The following HELZ variants were observed in gnomAD, a reference collection of about 807,000 sequenced individuals.
The protein encoded by HELZ is helicase with zinc finger, also known as ATP-dependent RNA helicase with zinc finger domain.
HELZ carries 23 observed loss-of-function variants against 218.2 expected under a neutral mutation model. That is an observed-to-expected ratio of 0.11 (90% CI 0.08 to 0.15). HELZ has a LOEUF of 0.15. HELZ is among the 10% of genes least tolerant of loss of function. The probability of loss-of-function intolerance (pLI) is 1.00; values close to 1 mark genes in which losing one functional copy is unlikely to be tolerated. For missense variants in HELZ, 1,813 were observed against 2,353.7 expected (o/e 0.77, Z 4.75); for synonymous variants, 814 against 829.4 (o/e 0.98, Z 0.32).
At chr17:67,215,405 G>A (rs1184735277) in intron 5 of HELZ, among the ~76,000 whole-genome samples, 3 of 149,148 alleles carry the variant, frequency 2.0e-5, no homozygotes, top group African/African-American at 7.4e-5. Context: ...CTGGAGTGCA[G>A]TGCTGTGATA....
rs111690134 is a variant in HELZ, at chr17:67,093,872, G to A, written c.5242-6791C>T. On this transcript the variant is annotated intron_variant, in intron 31 of 32. Coordinates refer to ENST00000358691, the MANE Select transcript of HELZ (RefSeq NM_014877.4). ...CTAAAGTAATTTTAATGTCATTTTAGCCTTATAAAACTCAATCATAATGAC... is the reference window on the plus strand; with the variant it reads ...CTAAAGTAATTTTAATGTCATTTTAACCTTATAAAACTCAATCATAATGAC... Among the ~76,000 whole-genome samples the A allele has an allele frequency of 2.6e-5, 4 of 152,132 alleles. 1 individual carries two copies. The highest frequency in any genetic ancestry group is 2.1e-4 in the South Asian group (1 of 4,824).
intron 12 of HELZ, 109 bp from the exon 13 acceptor site, chr17:67,179,035 C>T: frequency 2.9e-6 from 2 of 682,348 alleles, no homozygotes; most frequent in Non-Finnish European, 4.7e-6. Flanking sequence ...ATTGTATATG[C>T]TAGAGCTCAA....
chr17:67,087,119 C>T (rs753443024), intron 31 of HELZ, 38 bp from the exon 32 acceptor site: 7 of 1,604,134 alleles, frequency 4.4e-6, no homozygotes, highest in African/African-American at 1.3e-5. Context: ...AATCAGTGCA[C>T]CTTGTGCCAT....
At chr17:67,196,008 C>T (rs900447149) in intron 7 of HELZ, among the ~76,000 whole-genome samples, 124 of 151,840 alleles carry the variant, frequency 8.2e-4, no homozygotes, top group Admixed American at 7.9e-3. Flanking sequence ...CCCACCACCA[C>T]GCCTGACTAA....
chr17:67,102,621 A>G (rs184568020), intron 31 of HELZ, among the ~76,000 whole-genome samples: 3 of 152,326 alleles, frequency 2.0e-5, no homozygotes, highest in African/African-American at 7.2e-5. Context: ...AAAAGGTTGG[A>G]AATAAACAGC....
chr17:67,190,144 T>G lies in HELZ; in HGVS notation c.756+13A>C. ...TAAGACAAACAAAAAATAATGTAGC[T>G]TATTTTCCTCACCACTTTCTCAGGA... On this transcript the variant is annotated intron_variant, in intron 10 of 32. Coordinates refer to ENST00000358691, the MANE Select transcript of HELZ (RefSeq NM_014877.4). 1 of 1,606,850 alleles carries G rather than the reference T, an allele frequency of 6.2e-7. No individual in the cohort carries two copies. The highest frequency in any genetic ancestry group is 8.5e-7 in the Non-Finnish European group (1 of 1,173,702).
In HELZ at chr17:67,202,691, T is replaced by C. The variant is rs540795528; in HGVS notation, c.372+628A>G. Among the ~76,000 whole-genome samples the C allele has an allele frequency of 6.2e-4, 94 of 152,328 alleles. No individual in the cohort carries two copies. The South Asian group carries it at 0.018, about 30-fold the overall frequency. On this transcript the variant is annotated intron_variant, in intron 6 of 32. Coordinates refer to ENST00000358691, the MANE Select transcript of HELZ (RefSeq NM_014877.4). ...AATTTAAGAACCCTATGAGATCATA[T>C]GTCCACATCAGCATTTTAAAACTCA...
intron 12 of HELZ, among the ~76,000 whole-genome samples, chr17:67,184,726 A>C (rs1390040420): frequency 6.6e-6 from 1 of 151,916 alleles, no homozygotes; most frequent in Non-Finnish European, 1.5e-5. Flanking sequence ...TGAGGTGGGA[A>C]GATCACTTGA....
At chr17:67,245,437 C>G, upstream of HELZ, 1 of 971,918 alleles carries the variant, frequency 1.0e-6, no homozygotes, top group Non-Finnish European at 1.2e-6. Context: ...CTGCCCCGGC[C>G]TCCCTGCCCC....
intron 15 of HELZ, among the ~76,000 whole-genome samples, chr17:67,163,560 G>A (rs1363407705): frequency 1.3e-5 from 2 of 150,060 alleles, no homozygotes; most frequent in South Asian, 2.1e-4. Context: ...CACCACGCTC[G>A]GCTAATTTTT....
chr17:67,095,593 T>C (rs1296115623), intron 31 of HELZ, among the ~76,000 whole-genome samples: 1 of 152,140 alleles, frequency 6.6e-6, no homozygotes, highest in Non-Finnish European at 1.5e-5. Flanking sequence ...AGTTCAATCA[T>C]AAGATTACAG....
At chr17:67,233,505 GAA>G (rs1286295537) in intron 3 of HELZ, among the ~76,000 whole-genome samples, 1 of 152,192 alleles carries the variant, frequency 6.6e-6, no homozygotes, top group African/African-American at 2.4e-5. Context: ...GAAGCAGAGA[GAA>G]AAGTCATGGA....
chr17:67,166,358 C>A, intron 15 of HELZ, 120 bp downstream of exon 15: 2 of 746,274 alleles, frequency 2.7e-6, no homozygotes, highest in East Asian at 2.6e-5. Flanking sequence ...CCTTTCTAAA[C>A]CAATATCTCC....
chr17:67,104,113 AACC>A (rs2037015228), intron 31 of HELZ, among the ~76,000 whole-genome samples: 1 of 152,164 alleles, frequency 6.6e-6, no homozygotes, highest in African/African-American at 2.4e-5. Context: ...AAGAACTAAG[AACC>A]AAGTGTAAGA....
chr17:67,147,159 C>T (rs144631700), intron 20 of HELZ, among the ~76,000 whole-genome samples: 2 of 152,200 alleles, frequency 1.3e-5, no homozygotes, highest in Admixed American at 1.3e-4. Flanking sequence ...CAGCATGTAG[C>T]TTTTCATATA....
At chr17:67,110,312 G>A (rs2037242816) in intron 28 of HELZ, among the ~76,000 whole-genome samples, 1 of 152,026 alleles carries the variant, frequency 6.6e-6, no homozygotes, top group South Asian at 2.1e-4. Context: ...CAGGTGATCC[G>A]CCTGCCTCGG....
intron 27 of HELZ, 56 bp downstream of exon 27, chr17:67,120,349 C>T: frequency 7.0e-7 from 1 of 1,421,020 alleles, no homozygotes; most frequent in Non-Finnish European, 9.9e-7. Context: ...TTCTATGTGG[C>T]TAAAACTTTA....
At chr17:67,206,895 GGTTTTTTTGTTTTTT>G (rs2040313483) in intron 5 of HELZ, among the ~76,000 whole-genome samples, 1 of 149,514 alleles carries the variant, frequency 6.7e-6, no homozygotes, top group African/African-American at 2.5e-5. Context: ...CACTATGCCG[GGTTTTTTTGTTTTTT>G]GTTTTTTTGG....
intron 31 of HELZ, among the ~76,000 whole-genome samples, chr17:67,088,586 G>A (rs2036463764): frequency 6.6e-6 from 1 of 152,190 alleles, no homozygotes; most frequent in Non-Finnish European, 1.5e-5. Flanking sequence ...CGTGACGAGA[G>A]CAATTCTCTC....
Sources: allele counts gnomAD v4.1 joint callset (sites outside exome capture counted in the v4.1 genomes callset), GRCh38; gene constraint gnomAD v4.1.1; transcripts MANE v1.5; gene names NCBI Gene and HGNC (gene_info 2026-07-23, HGNC 2026-07-21).